The following GALNT14 variants were observed in gnomAD, a reference collection of about 807,000 sequenced individuals.
GALNT14 encodes polypeptide N-acetylgalactosaminyltransferase 14.
Under a neutral mutation model 77.5 loss-of-function variants are expected in GALNT14, and 60 were observed. The observed-to-expected ratio is 0.77, with a 90% CI of 0.63 to 0.96. The LOEUF is 0.96. Ranked by LOEUF, GALNT14 falls within the 40% of genes least tolerant of loss-of-function variation. GALNT14 has a pLI of 0.00. For missense variants in GALNT14, 710 were observed against 731.0 expected (o/e 0.97, Z 0.33); for synonymous variants, 280 against 281.7 (o/e 0.99, Z 0.06).
intron 2 of GALNT14, among the ~76,000 whole-genome samples, chr2:30,989,559 C>CA (rs1316520133): frequency 2.3e-3 from 89 of 38,392 alleles, no homozygotes; most frequent in Middle Eastern, 0.02. Context: ...AGGTAAATAC[C>CA]TTATATATAT....
intron 1 of GALNT14, among the ~76,000 whole-genome samples, chr2:31,053,085 C>T (rs1673988093): frequency 6.6e-6 from 1 of 152,154 alleles, no homozygotes; most frequent in Non-Finnish European, 1.5e-5. Context: ...CACACGAAAG[C>T]AGAGCCCCAG....
At chr2:31,020,932 A>T (rs1671675661) in intron 1 of GALNT14, among the ~76,000 whole-genome samples, 1 of 152,210 alleles carries the variant, frequency 6.6e-6, no homozygotes, top group Non-Finnish European at 1.5e-5. Context: ...CCAGGAATGA[A>T]ACCCACATCC....
At chr2:30,935,570 C>CT (rs749902335) in intron 9 of GALNT14, among the ~76,000 whole-genome samples, 5 of 152,188 alleles carry the variant, frequency 3.3e-5, no homozygotes, top group Non-Finnish European at 7.3e-5. Flanking sequence ...ACATGGATCG[C>CT]TGTGCTGCTG....
At chr2:31,070,828 A>C (rs1675318549) in intron 1 of GALNT14, among the ~76,000 whole-genome samples, 1 of 152,210 alleles carries the variant, frequency 6.6e-6, no homozygotes, top group Non-Finnish European at 1.5e-5. Flanking sequence ...GGATGCAGAG[A>C]GGCTGGCCCT....
the GALNT14 span, among the ~76,000 whole-genome samples, chr2:30,899,662 G>A: frequency 2.6e-5 from 4 of 151,696 alleles, no homozygotes; most frequent in Non-Finnish European, 4.4e-5. Context: ...TGAAAATGAT[G>A]CAATCTACTG....
At chr2:30,901,512 T>A in the GALNT14 span, among the ~76,000 whole-genome samples, 1 of 151,356 alleles carries the variant, frequency 6.6e-6, no homozygotes, top group African/African-American at 2.4e-5. Flanking sequence ...TATATTCATA[T>A]ATATATAAAT....
intron 1 of GALNT14, among the ~76,000 whole-genome samples, chr2:31,135,083 C>G (rs1679166580): frequency 6.6e-6 from 1 of 152,160 alleles, no homozygotes; most frequent in Admixed American, 6.5e-5. Flanking sequence ...TAAGCACACT[C>G]AAGAAGAAAA....
intron 1 of GALNT14, among the ~76,000 whole-genome samples, chr2:31,070,556 C>T (rs1675300430): frequency 6.6e-6 from 1 of 152,216 alleles, no homozygotes; most frequent in Admixed American, 6.5e-5. Context: ...AAATGCTCGG[C>T]AGCAATTTAT....
intron 1 of GALNT14, among the ~76,000 whole-genome samples, chr2:31,085,826 T>C (rs1375313454): frequency 6.6e-6 from 1 of 152,152 alleles, no homozygotes; most frequent in Non-Finnish European, 1.5e-5. Context: ...CACTGGTAAT[T>C]TATAAAGAGA....
rs76709639 is a variant in GALNT14, at chr2:31,009,771, C to T, written c.130-16764G>A. On this transcript the variant is annotated intron_variant, in intron 1 of 14. Coordinates refer to ENST00000349752, the MANE Select transcript of GALNT14 (RefSeq NM_024572.4). ...AAGTCAGGAATCTGAGAGTTACCCT[C>T]GACAATTCCTTCTTCCTCATTCTAA... 4.2e-3 allele frequency among the ~76,000 whole-genome samples: 632 copies of T among 152,244 alleles called. 1 individual carries two copies. Among genetic ancestry groups the T allele is most frequent in the African/African-American group, 0.014 (588 of 41,532 alleles).
intron 13 of GALNT14, among the ~76,000 whole-genome samples, chr2:30,914,504 C>T (rs562198151): frequency 2.8e-4 from 43 of 152,300 alleles, no homozygotes; most frequent in Admixed American, 1.4e-3. Flanking sequence ...GTTGTACCCC[C>T]TTGCCAAGGT....
chr2:31,035,600 TACAC>T (rs779892815), intron 1 of GALNT14, among the ~76,000 whole-genome samples: 4 of 49,578 alleles, frequency 8.1e-5, no homozygotes, highest in South Asian at 5.7e-4. Context: ...CATATACATA[TACAC>T]ACACACACAC....
At chr2:30,979,701 C>G (rs1218295800) in intron 2 of GALNT14, among the ~76,000 whole-genome samples, 1 of 152,166 alleles carries the variant, frequency 6.6e-6, no homozygotes, top group African/African-American at 2.4e-5. Context: ...CAGTGATCCA[C>G]AGAGTCCCCA....
rs546154764 is a variant in GALNT14, at chr2:31,042,660, C to T, written c.130-49653G>A. 3.9e-5 allele frequency among the ~76,000 whole-genome samples: 6 copies of T among 152,288 alleles called. No homozygotes were observed. In the South Asian group the frequency reaches 1.2e-3, roughly 32 times the overall value. Reference sequence around the variant, plus strand: ...ACCTTGGGGTAGCCTTCACTCCCTTCCTCTTCCTTACTCTCCACATCCAAT... The same window carrying T: ...ACCTTGGGGTAGCCTTCACTCCCTTTCTCTTCCTTACTCTCCACATCCAAT... On this transcript the variant is annotated intron_variant, in intron 1 of 14. Coordinates refer to ENST00000349752, the MANE Select transcript of GALNT14 (RefSeq NM_024572.4).
At chr2:30,907,779 A>C (rs1405415006), downstream of GALNT14, among the ~76,000 whole-genome samples, 1 of 149,026 alleles carries the variant, frequency 6.7e-6, no homozygotes, top group Non-Finnish European at 1.5e-5. Context: ...TTAGACCAAT[A>C]TCCTTGATGA....
At chr2:30,923,295 C>G (rs930688179) in intron 13 of GALNT14, among the ~76,000 whole-genome samples, 2 of 152,042 alleles carry the variant, frequency 1.3e-5, no homozygotes, top group African/African-American at 4.8e-5. Flanking sequence ...AACTCCGGAC[C>G]TTAGGTGATC....
chr2:30,906,249 T>G (rs1350787559), downstream of GALNT14, among the ~76,000 whole-genome samples: 1 of 151,342 alleles, frequency 6.6e-6, no homozygotes, highest in Non-Finnish European at 1.5e-5. Context: ...ATGCTCCAAT[T>G]AAAAGACACA....
intron 1 of GALNT14, among the ~76,000 whole-genome samples, chr2:31,097,990 T>C (rs1677084064): frequency 6.6e-6 from 1 of 152,150 alleles, no homozygotes. Context: ...CCTCCACCAT[T>C]TTGTGCCCTA....
intron 13 of GALNT14, among the ~76,000 whole-genome samples, chr2:30,913,428 C>A (rs980693470): frequency 8.5e-5 from 13 of 152,142 alleles, no homozygotes; most frequent in African/African-American, 3.1e-4. Context: ...GGCCAGCCTC[C>A]TACTCTAGGA....
Sources: gnomAD v4.1 joint callset for allele counts (sites outside exome capture counted in the v4.1 genomes callset) on GRCh38, gnomAD v4.1.1 for gene constraint, MANE v1.5 for transcripts, NCBI Gene and HGNC (gene_info 2026-07-23, HGNC 2026-07-21) for gene names.